TPR: variants seen among roughly 807,000 people sequenced by gnomAD.
TPR encodes the protein translocated promoter region, nuclear basket protein, also known as nucleoprotein TPR.
Under a neutral mutation model 316.1 loss-of-function variants are expected in TPR, and 51 were observed. The observed-to-expected ratio is 0.16, with a 90% CI of 0.13 to 0.20. The LOEUF (loss-of-function observed/expected upper bound fraction) is 0.20. Ranked by LOEUF, TPR falls within the 10% of genes least tolerant of loss-of-function variation. TPR has a pLI of 1.00. For synonymous variants in TPR, 981 were observed against 914.7 expected, an observed-to-expected ratio of 1.07 and a Z score of -1.31; for missense variants, 2,272 against 2,754.8, an observed-to-expected ratio of 0.82 and a Z score of 3.92.
intron 3 of TPR, among the ~76,000 whole-genome samples, chr1:186,368,990 C>T (rs1426750214): frequency 6.6e-6 from 1 of 152,194 alleles, no homozygotes; most frequent in Non-Finnish European, 1.5e-5. Flanking sequence ...GTCTTCTCAA[C>T]ACCATTAATG....
intron 10 of TPR, 145 bp from the exon 11 acceptor site, chr1:186,360,509 T>C: frequency 1.1e-6 from 1 of 951,936 alleles, no homozygotes. Flanking sequence ...AAAAGTCATG[T>C]AACACATCTA....
rs772713358 is a variant in TPR, at chr1:186,336,491, T to C, written c.4705+5A>G. ...ACCAAGTTCAAACTTTAAACAGATA[T>C]TTACCAGCTAAGTGTGCAATTTTTG... On this transcript the variant is annotated splice_donor_5th_base_variant and intron_variant, in intron 33 of 50. Coordinates refer to ENST00000367478, the MANE Select transcript of TPR (RefSeq NM_003292.3). 6 of 1,613,224 alleles carry C rather than the reference T, an allele frequency of 3.7e-6. No homozygotes were observed. Among genetic ancestry groups the C allele is most frequent in the Non-Finnish European group, 3.4e-6 (4 of 1,179,814 alleles).
Position 186,346,130 on chromosome 1 carries a change from T to G in TPR, c.3096+5A>C, listed in dbSNP as rs760125174. On this transcript the variant is annotated splice_donor_5th_base_variant and intron_variant, in intron 23 of 50. Transcript: ENST00000367478. ...AAAAAAAATTAATACGGTTAACCTA[T>G]TTACCTGTTGTTCCATGCTCTCTAT... The G allele has an allele frequency of 3.1e-6, 5 of 1,598,532 alleles. No homozygotes were observed. The highest frequency in any genetic ancestry group is 4.3e-6 in the Non-Finnish European group (5 of 1,174,484).
Position 186,330,332 on chromosome 1 carries a change from A to G in TPR, c.5688+1166T>C, listed in dbSNP as rs573975252. On this transcript the variant is annotated intron_variant, in intron 39 of 50. Coordinates refer to ENST00000367478, the MANE Select transcript of TPR (RefSeq NM_003292.3). ...GACTCCTATCTCTGATTTACAATCCAGACCACTACAACTCTGACTGTAGAG... is the reference window on the plus strand; with the variant it reads ...GACTCCTATCTCTGATTTACAATCCGGACCACTACAACTCTGACTGTAGAG... 7.9e-5 allele frequency among the ~76,000 whole-genome samples: 12 copies of G among 152,254 alleles called. 1 individual carries two copies. The highest frequency in any genetic ancestry group is 2.9e-4 in the African/African-American group (12 of 41,560).
At chr1:186,339,598 ACTT>A (rs776749506) in intron 30 of TPR, 41 bp downstream of exon 30, 89 of 1,399,980 alleles carry the variant, frequency 6.4e-5, no homozygotes, top group Non-Finnish European at 7.2e-5. Context: ...AGTAAAATAA[ACTT>A]CTTTTATATT....
In TPR at chr1:186,343,618, T is replaced by C. The variant is rs1658583477; in HGVS notation, c.3603-145A>G. 4.9e-6 allele frequency: 4 copies of C among 812,506 alleles called. No individual in the cohort carries two copies. The Admixed American group carries it at 9.4e-5, about 19-fold the overall frequency. 50.3% of individuals were successfully genotyped at this position (812,506 alleles called of 1,614,324 possible). ...TAATAATAAATAATAATGGGAGATG[T>C]ATTTCTATTTTCTTTTATAGACACT... On this transcript the variant is annotated intron_variant, in intron 26 of 50. Transcript: ENST00000367478.
Position 186,324,002 on chromosome 1 carries a change from G to A in TPR, c.6113-132C>T, listed in dbSNP as rs1297277429. 5 of 913,640 alleles carry A rather than the reference G, an allele frequency of 5.5e-6. No homozygotes were observed. The East Asian group carries it at 1.6e-4, about 29-fold the overall frequency. The allele number at this position is 913,640 out of a possible 1,614,324, so 56.6% of individuals were successfully genotyped here. ...ATATTTTCAGAAGTAAAGTAGTGAG[G>A]TGTGATGGAAGCAAATGTGGGTTTT... On this transcript the variant is annotated intron_variant, in intron 42 of 50. Coordinates refer to ENST00000367478, the MANE Select transcript of TPR (RefSeq NM_003292.3).
intron 36 of TPR, among the ~76,000 whole-genome samples, chr1:186,334,016 G>A (rs1454196360): frequency 6.6e-6 from 1 of 152,144 alleles, no homozygotes; most frequent in Non-Finnish European, 1.5e-5. Context: ...TGTAATTGCT[G>A]TAATGAATAA....
Position 186,355,489 on chromosome 1 carries a change from C to T in TPR, c.2092G>A (p.Glu698Lys). Residue 698 changes from glutamate (E) to lysine (K), a missense_variant, in exon 17 of 51, where the codon GAG (glutamate) becomes AAG (lysine). Glu to Lys is a moderately conservative substitution (Grantham distance 56, BLOSUM62 1). Coordinates refer to ENST00000367478, the MANE Select transcript of TPR (RefSeq NM_003292.3). ...TCTGTAACTTGTTCTTGAAGTTTCT[C>T]AAGCTGCTCATTTTGTATTTTTTCA... ...ENEKIQNEQL[E>K]KLQEQVTDLR... 1 of 1,612,534 alleles carries T rather than the reference C, an allele frequency of 6.2e-7. No homozygotes were observed. Among genetic ancestry groups the T allele is most frequent in the South Asian group, 1.1e-5 (1 of 90,450 alleles).
chr1:186,317,945 A>T (rs140374257), intron 48 of TPR, among the ~76,000 whole-genome samples: 50 of 152,346 alleles, frequency 3.3e-4, no homozygotes, highest in African/African-American at 1.0e-3. Context: ...TTAGGAAAGC[A>T]CAGTACTATA....
chr1:186,334,185 C>T, intron 36 of TPR, 140 bp downstream of exon 36: 2 of 887,420 alleles, frequency 2.3e-6, no homozygotes, highest in Non-Finnish European at 3.2e-6. Context: ...AGAAGTATGT[C>T]CTTCAAATAT....
intron 42 of TPR, among the ~76,000 whole-genome samples, chr1:186,324,588 A>G (rs1409562754): frequency 6.6e-6 from 1 of 152,202 alleles, no homozygotes; most frequent in Non-Finnish European, 1.5e-5. Flanking sequence ...TAAGCTACTT[A>G]GCTACTTAGT....
Position 186,312,641 on chromosome 1 carries a change from A to G in TPR, c.*1330T>C. 1.1e-5 allele frequency: 11 copies of G among 999,308 alleles called. No individual in the cohort carries two copies. The highest frequency in any genetic ancestry group is 1.6e-5 in the Non-Finnish European group (10 of 644,066). The allele number at this position is 999,308 out of a possible 1,614,324, so 61.9% of individuals were successfully genotyped here. On this transcript the variant is annotated 3_prime_UTR_variant, in exon 51 of 51. Transcript: ENST00000367478. ...CTTCTTACCAAGAACATTATATACC[A>G]GTCTATAACCCTCAATAGTTCTACA...
intron 3 of TPR, among the ~76,000 whole-genome samples, chr1:186,370,158 T>C (rs1253469016): frequency 6.6e-6 from 1 of 152,176 alleles, no homozygotes; most frequent in Admixed American, 6.5e-5. Flanking sequence ...TTAATTTAAA[T>C]TGATACTTCC....
intron 42 of TPR, 79 bp downstream of exon 42, chr1:186,325,685 A>C: frequency 1.8e-6 from 2 of 1,108,648 alleles, no homozygotes; most frequent in South Asian, 3.1e-5. Flanking sequence ...AAATAAATTT[A>C]TATATTAGAA....
chr1:186,341,200 C>A (rs777070340), intron 28 of TPR, 41 bp from the exon 29 acceptor site: 13 of 1,612,424 alleles, frequency 8.1e-6, no homozygotes, highest in Non-Finnish European at 9.3e-6. Context: ...TGTAAAAATT[C>A]ATTTATTATT....
chr1:186,350,352 C>T lies in TPR; in HGVS notation c.2647G>A (p.Glu883Lys). 6.2e-7 allele frequency: 1 copy of T among 1,611,460 alleles called. No homozygotes were observed. The highest frequency in any genetic ancestry group is 8.5e-7 in the Non-Finnish European group (1 of 1,178,732). ...TTTGTGTTAAGATGAAGATTTGTCTCTGTATCCAGTTGTCTCTTTGTATCT... is the reference window on the plus strand; with the variant it reads ...TTTGTGTTAAGATGAAGATTTGTCTTTGTATCCAGTTGTCTCTTTGTATCT... Reference protein sequence around the residue: ...LLDTKRQLDTETNLHLNTKEL... With the variant: ...LLDTKRQLDTKTNLHLNTKEL... Residue 883 changes from glutamate to lysine, a missense_variant, in exon 21 of 51, where the codon GAG becomes AAG. Physicochemically the swap from Glu to Lys is moderately conservative, Grantham distance 56. Around this residue, in one of 10 missense-constraint regions of TPR, gnomAD observed 757 missense variants for 859.8 expected, o/e 0.88. Transcript: ENST00000367478.
At chr1:186,326,011 G>A (rs897944881) in intron 41 of TPR, 93 bp downstream of exon 41, 33 of 1,570,848 alleles carry the variant, frequency 2.1e-5, no homozygotes, top group African/African-American at 2.7e-5. Flanking sequence ...AGGTTTTAGT[G>A]AATTTCATAA....
chr1:186,338,341 T>C, intron 30 of TPR, 98 bp from the exon 31 acceptor site: 1 of 1,023,994 alleles, frequency 9.8e-7, no homozygotes. Flanking sequence ...TTTAATAACT[T>C]TTTTTTTTGA....
Sources: gnomAD v4.1 joint callset for allele counts (sites outside exome capture counted in the v4.1 genomes callset) on GRCh38, gnomAD v4.1.1 for gene constraint, gnomAD v4.1.1 regional missense constraint, MANE v1.5 for transcripts, NCBI Gene and HGNC (gene_info 2026-07-23, HGNC 2026-07-21) for gene names.